LAMC3: variants seen among roughly 807,000 people sequenced by gnomAD.
LAMC3 encodes laminin subunit gamma 3, also known as laminin subunit gamma-3.
Under a neutral mutation model 173.8 loss-of-function variants are expected in LAMC3, and 128 were observed. The ratio of observed to expected loss-of-function variants is 0.74; its 90% CI spans 0.64 to 0.85. The LOEUF (loss-of-function observed/expected upper bound fraction) is 0.85, where lower values mean the gene tolerates loss of function less well. Among genes scored for constraint, LAMC3 ranks in the 40% least tolerant of loss-of-function variants. The pLI, the probability that LAMC3 is intolerant of heterozygous loss-of-function variation, is 0.00. For missense variants in LAMC3, 2,022 were observed against 2,156.0 expected, an observed-to-expected ratio of 0.94 and a Z score of 1.23; for synonymous variants, 897 against 909.1, an observed-to-expected ratio of 0.99 and a Z score of 0.24.
chr9:131,036,460 G>C (rs1833947651), intron 4 of LAMC3, 128 bp downstream of exon 4: 2 of 1,026,226 alleles, frequency 1.9e-6, no homozygotes, highest in Admixed American at 2.0e-5. Flanking sequence ...CGGGGTCTCT[G>C]TGCTGCTGCA....
intron 8 of LAMC3, among the ~76,000 whole-genome samples, chr9:131,046,518 A>ATTTTTTTGTTTTTTTTTTTTTTTTTT (rs1834163668): frequency 2.0e-5 from 1 of 49,170 alleles, no homozygotes; most frequent in Non-Finnish European, 3.7e-5. Context: ...TAATTTTTGT[A>ATTTTTTTGTTTTTTTTTTTTTTTTTT]TTTTTTTTTT....
At chr9:131,013,893 C>G (rs1362493403) in intron 1 of LAMC3, among the ~76,000 whole-genome samples, 1 of 152,208 alleles carries the variant, frequency 6.6e-6, no homozygotes, top group South Asian at 2.1e-4. Context: ...GCCTTGGCTC[C>G]GTTCTGTCTT....
At chr9:131,079,880 C>A (rs1830206715) in intron 23 of LAMC3, among the ~76,000 whole-genome samples, 1 of 152,126 alleles carries the variant, frequency 6.6e-6, no homozygotes, top group Admixed American at 6.5e-5. Context: ...CTCTCTCATG[C>A]CTCCATTCAT....
rs141497885 is a variant in LAMC3, at chr9:131,085,653, C to A, written c.4160C>A (p.Ala1387Glu). The stretch of plus-strand genomic sequence containing the variant: ...CAGGCGGAGAGGATGCTGGGAAACG[C>A]GGCCCCTCTTTCCTCCAGTGCCAAG... ...TKQAERMLGNAAPLSSSAKKK... is the reference protein window; with the variant it reads ...TKQAERMLGNEAPLSSSAKKK... The change falls in exon 25 of 28, where the codon GCG becomes GAG. Residue 1387 changes from alanine (A) to glutamate (E), a missense_variant. Physicochemically the swap from Ala to Glu is moderately radical, Grantham distance 107 (BLOSUM62 -1). Coordinates refer to ENST00000361069, the MANE Select transcript of LAMC3 (RefSeq NM_006059.4). 6.2e-7 allele frequency: 1 copy of A among 1,614,062 alleles called. No individual in the cohort carries two copies. Among genetic ancestry groups the A allele is most frequent in the Non-Finnish European group, 8.5e-7 (1 of 1,180,044 alleles).
rs1276248557 is a variant in LAMC3, at chr9:131,009,895, T to C, written c.373+308T>C. On this transcript the variant is annotated intron_variant, in intron 1 of 27. Coordinates refer to ENST00000361069, the MANE Select transcript of LAMC3 (RefSeq NM_006059.4). This position sits in a 1 kb window ranked among gnomAD's most constrained non-coding sequence, Gnocchi z 4.3. ...TAGGCCGGGCGCGGTGGCTGACGTCTGTAATCCCAGCACTTTGGGAGGCCG... is the reference window on the plus strand; with the variant it reads ...TAGGCCGGGCGCGGTGGCTGACGTCCGTAATCCCAGCACTTTGGGAGGCCG... 6.6e-6 allele frequency among the ~76,000 whole-genome samples: 1 copy of C among 151,972 alleles called. No individual in the cohort carries two copies. The highest frequency in any genetic ancestry group is 1.5e-5 in the Non-Finnish European group (1 of 67,996).
chr9:131,073,735 G>A (rs928393806), intron 20 of LAMC3, among the ~76,000 whole-genome samples: 12 of 151,836 alleles, frequency 7.9e-5, no homozygotes, highest in African/African-American at 2.9e-4. Context: ...CCAGTTTTAG[G>A]ATTTTCATCA....
intron 3 of LAMC3, among the ~76,000 whole-genome samples, chr9:131,032,506 C>CTT (rs1833846311): frequency 7.0e-6 from 1 of 143,792 alleles, no homozygotes; most frequent in Non-Finnish European, 1.6e-5. Context: ...CTCTCTCACT[C>CTT]GCTCTCTCTC....
At chr9:131,061,855 G>A (rs1829832056) in intron 13 of LAMC3, among the ~76,000 whole-genome samples, 1 of 149,224 alleles carries the variant, frequency 6.7e-6, no homozygotes, top group Non-Finnish European at 1.5e-5. Context: ...TTCAAGACCA[G>A]CCTGGGCAAC....
rs187225776 is a variant in LAMC3, at chr9:131,073,713, C to T, written c.3494+392C>T. On this transcript the variant is annotated intron_variant, in intron 20 of 27. Coordinates refer to ENST00000361069, the MANE Select transcript of LAMC3 (RefSeq NM_006059.4). Reference sequence around the variant, plus strand: ...TCCCTATATTCTCAGGGTTGCAAAGCCATCACCACAACCAGTTTTAGGATT... The same window carrying T: ...TCCCTATATTCTCAGGGTTGCAAAGTCATCACCACAACCAGTTTTAGGATT... Among the ~76,000 whole-genome samples, 282 of 152,138 alleles carry T rather than the reference C, an allele frequency of 1.9e-3. 3 individuals carry two copies. Among genetic ancestry groups the T allele is most frequent in the African/African-American group, 6.6e-3 (273 of 41,512 alleles).
chr9:131,054,816 G>A lies in LAMC3; in HGVS notation c.1939+1851G>A, dbSNP rs111521375. Among the ~76,000 whole-genome samples, 580 of 110,738 alleles carry A rather than the reference G, an allele frequency of 5.2e-3. 6 individuals carry two copies. The highest frequency in any genetic ancestry group is 6.9e-3 in the Non-Finnish European group (387 of 55,870). 72.6% of individuals were successfully genotyped at this position (110,738 alleles called of 152,430 possible). A position where few individuals can be genotyped will look rare whatever the true frequency, so the allele number is the denominator to read the frequency against. On this transcript the variant is annotated intron_variant, in intron 11 of 27. Coordinates refer to ENST00000361069, the MANE Select transcript of LAMC3 (RefSeq NM_006059.4). ...AGAGAGAGAGAGAGTGAGAGAGAGA[G>A]AAAGAAAGAAGAAGGGAGGGAGGGA... is the stretch of plus-strand genomic sequence containing the variant.
chr9:131,084,562 G>T (rs1011351263), intron 24 of LAMC3, among the ~76,000 whole-genome samples: 7 of 152,092 alleles, frequency 4.6e-5, no homozygotes, highest in Non-Finnish European at 1.5e-5. Context: ...TGTTTACCAA[G>T]AAATAAACTA....
intron 22 of LAMC3, 106 bp downstream of exon 22, chr9:131,077,440 G>A: frequency 7.0e-7 from 1 of 1,432,568 alleles, no homozygotes; most frequent in East Asian, 2.4e-5. Flanking sequence ...ACTTTGGGAG[G>A]CCGAGGCGGG....
intron 1 of LAMC3, among the ~76,000 whole-genome samples, chr9:131,014,119 A>G (rs1324276537): frequency 6.6e-6 from 1 of 152,198 alleles, no homozygotes; most frequent in Non-Finnish European, 1.5e-5. Flanking sequence ...TGGGCCTCCC[A>G]GGACTAATCC....
rs201519274 is a variant in LAMC3, at chr9:131,036,333, G to C, written c.976+1G>C. ...GCCGAGGCTGCCCACGAGTGTCTGCGTGAGTGTCTGAGTGTCACAGGGCAT... is the reference window on the plus strand; with the variant it reads ...GCCGAGGCTGCCCACGAGTGTCTGCCTGAGTGTCTGAGTGTCACAGGGCAT... On this transcript the variant is annotated splice_donor_variant, in intron 4 of 27. Coordinates refer to ENST00000361069, the MANE Select transcript of LAMC3 (RefSeq NM_006059.4). LOFTEE classifies it high-confidence loss of function. The C allele has an allele frequency of 3.2e-5, 51 of 1,612,544 alleles. No homozygotes were observed. Among genetic ancestry groups the C allele is most frequent in the Non-Finnish European group, 4.1e-5 (48 of 1,179,506 alleles).
Position 131,009,785 on chromosome 9 carries a change from G to A in LAMC3, c.373+198G>A, listed in dbSNP as rs1342625591. 6.6e-6 allele frequency among the ~76,000 whole-genome samples: 1 copy of A among 152,156 alleles called. No homozygotes were observed. Among genetic ancestry groups the A allele is most frequent in the Admixed American group, 6.5e-5 (1 of 15,278 alleles). ...AAATCCCAGCACTTTGGGAGGCCGA[G>A]ATGGGAGGGTCGCTTGAGCCCAGGA... On this transcript the variant is annotated intron_variant, in intron 1 of 27. Transcript: ENST00000361069. This position sits in a 1 kb window ranked among gnomAD's most constrained non-coding sequence, Gnocchi z 4.3.
chr9:131,044,028 G>A (rs866889344), intron 7 of LAMC3, among the ~76,000 whole-genome samples: 13 of 148,822 alleles, frequency 8.7e-5, no homozygotes, highest in South Asian at 2.1e-4. Flanking sequence ...GTATGATCTC[G>A]GCTCACTGCA....
rs888063587 is a variant in LAMC3, at chr9:131,087,950, G to A, written c.4477+133G>A. Reference sequence around the variant, plus strand: ...CCATGCTTCCCGCATCCCCATCTTTGTGGTCAATCACAAGCATTTATAACC... The same window carrying A: ...CCATGCTTCCCGCATCCCCATCTTTATGGTCAATCACAAGCATTTATAACC... On this transcript the variant is annotated intron_variant, in intron 27 of 27. Transcript: ENST00000361069. The A allele has an allele frequency of 1.4e-5, 11 of 771,108 alleles. No homozygotes were observed. The East Asian group carries it at 2.4e-4, about 17-fold the overall frequency. The allele number at this position is 771,108 out of a possible 1,614,324, so 47.8% of individuals were successfully genotyped here.
Position 131,052,698 on chromosome 9 carries a change from C to T in LAMC3, c.1823+15C>T. On this transcript the variant is annotated intron_variant, in intron 10 of 27. Transcript: ENST00000361069. ...CTCAGGTTCCAGTAAGTATCCCCTTCTGTCCTGAGAGATGGGGAGGTGAGA... is the reference window on the plus strand; with the variant it reads ...CTCAGGTTCCAGTAAGTATCCCCTTTTGTCCTGAGAGATGGGGAGGTGAGA... The T allele has an allele frequency of 1.2e-6, 2 of 1,610,126 alleles. No individual in the cohort carries two copies. The highest frequency in any genetic ancestry group is 1.7e-6 in the Non-Finnish European group (2 of 1,177,016).
chr9:131,082,276 C>T, intron 24 of LAMC3, 115 bp downstream of exon 24: 1 of 758,696 alleles, frequency 1.3e-6, no homozygotes, highest in East Asian at 2.7e-5. Flanking sequence ...GTCTTGTGGG[C>T]TTAATTAAGC....
Sources: allele counts gnomAD v4.1 joint callset (sites outside exome capture counted in the v4.1 genomes callset), GRCh38; gene constraint gnomAD v4.1.1; non-coding constraint Gnocchi (gnomAD v3.1); transcripts MANE v1.5; gene names NCBI Gene and HGNC (gene_info 2026-07-23, HGNC 2026-07-21).